ATP13A5: variants seen among roughly 807,000 people sequenced by gnomAD.
The protein encoded by ATP13A5 is probable cation-transporting ATPase 13A5.
ATP13A5 carries 149 observed loss-of-function variants against 150.2 expected under a neutral mutation model. That is an observed-to-expected ratio of 0.99 (90% CI 0.87 to 1.14). ATP13A5 has a LOEUF of 1.14. ATP13A5 is among the 50% of genes most tolerant of loss of function. The pLI, the probability that ATP13A5 is intolerant of heterozygous loss-of-function variation, is 0.00. For synonymous variants in ATP13A5, 497 were observed against 522.2 expected (o/e 0.95, Z 0.66); for missense variants, 1,383 against 1,449.3 (o/e 0.95, Z 0.74).
intron 18 of ATP13A5, chr3:193,314,512 C>G (rs1029453114): frequency 3.1e-6 from 1 of 326,684 alleles, no homozygotes; most frequent in African/African-American, 2.1e-5. Flanking sequence ...TGATCTCAGC[C>G]TGATAGCTTA....
At chr3:193,365,418 T>C (rs1713203658) in intron 1 of ATP13A5, among the ~76,000 whole-genome samples, 1 of 152,122 alleles carries the variant, frequency 6.6e-6, no homozygotes, top group South Asian at 2.1e-4. Context: ...GCCACTCTAT[T>C]TTGAGATTAT....
At chr3:193,358,903 C>T in intron 5 of ATP13A5, among the ~76,000 whole-genome samples, 1 of 152,148 alleles carries the variant, frequency 6.6e-6, no homozygotes, top group Admixed American at 6.5e-5. Flanking sequence ...CTTAGCTTTC[C>T]TGGTCCCTCT....
At chr3:193,356,887 C>A (rs1401983508) in intron 5 of ATP13A5, among the ~76,000 whole-genome samples, 2 of 152,054 alleles carry the variant, frequency 1.3e-5, no homozygotes, top group Non-Finnish European at 2.9e-5. Context: ...ACAGTCTAGG[C>A]TCACTTCAAC....
At chr3:193,304,762 A>G (rs1225392811) in intron 23 of ATP13A5, among the ~76,000 whole-genome samples, 1 of 152,234 alleles carries the variant, frequency 6.6e-6, no homozygotes, top group African/African-American at 2.4e-5. Flanking sequence ...CCATTTTCAC[A>G]CTGCCATAAA....
chr3:193,301,241 G>C lies in ATP13A5; in HGVS notation c.2745C>G (p.Ile915Met). The C allele has an allele frequency of 1.9e-6, 3 of 1,613,374 alleles. No individual in the cohort carries two copies. Among genetic ancestry groups the C allele is most frequent in the Middle Eastern group, 1.7e-4 (1 of 6,044 alleles). ...VFKYLTMYGI[I>M]QFISALLLYW... is the part of the protein sequence containing the mutation. ...AGAGCAGTAATGCACTGATAAACTG[G>C]ATTATGCCGTACATGGTCAAGTATT... is the stretch of plus-strand genomic sequence containing the variant. The change falls in exon 24 of 30, where the codon ATC (isoleucine) becomes ATG (methionine). Residue 915 changes from isoleucine (I) to methionine (M), a missense_variant. This residue lies in a region of ATP13A5 where 568 missense variants were observed against 621.5 expected (regional missense o/e 0.91). Transcript: ENST00000342358.
chr3:193,339,254 A>G (rs933213011), intron 9 of ATP13A5, among the ~76,000 whole-genome samples: 32 of 151,458 alleles, frequency 2.1e-4, no homozygotes, highest in Admixed American at 2.6e-4. Context: ...CTCTGATCTT[A>G]GTTATTTCTT....
intron 25 of ATP13A5, among the ~76,000 whole-genome samples, chr3:193,296,654 T>C (rs576484739): frequency 4.6e-5 from 7 of 152,248 alleles, no homozygotes; most frequent in Non-Finnish European, 8.8e-5. Context: ...CTTATGATTG[T>C]CTTGGCTATT....
In ATP13A5 at chr3:193,290,053, G is replaced by A. The variant is rs1395185671; in HGVS notation, c.2855C>T (p.Ser952Leu). ...AGCCAGCTTTGGGTAGGCATGAGTT[G>A]AACTCACTGAAAGACAAATACATTT... The part of the protein sequence containing the change: ...ITLMVCLTMS[S>L]THAYPKLAPY... Residue 952 changes from serine to leucine, a missense_variant, in exon 26 of 30, where the codon TCA becomes TTA. Physicochemically the swap from Ser to Leu is moderately radical, Grantham distance 145. Transcript: ENST00000342358. 9 of 1,598,086 alleles carry A rather than the reference G, an allele frequency of 5.6e-6. No individual in the cohort carries two copies. Among genetic ancestry groups the A allele is most frequent in the Non-Finnish European group, 6.0e-6 (7 of 1,175,014 alleles).
intron 21 of ATP13A5, among the ~76,000 whole-genome samples, chr3:193,307,669 C>A (rs1718671000): frequency 6.6e-6 from 1 of 152,140 alleles, no homozygotes; most frequent in Admixed American, 6.6e-5. Flanking sequence ...CGCACCAAGG[C>A]CAAGCTTAAG....
At chr3:193,325,809 C>T (rs528293555) in intron 13 of ATP13A5, among the ~76,000 whole-genome samples, 2 of 152,332 alleles carry the variant, frequency 1.3e-5, no homozygotes, top group South Asian at 2.1e-4. Flanking sequence ...TCCCACCTTA[C>T]AGCTGAATAG....
chr3:193,301,592 T>G (rs887461418), intron 23 of ATP13A5, among the ~76,000 whole-genome samples: 1 of 152,252 alleles, frequency 6.6e-6, no homozygotes, highest in Non-Finnish European at 1.5e-5. Flanking sequence ...CTCCTCATTT[T>G]CAACAAGCTT....
chr3:193,284,572 T>C (rs1717639269), intron 27 of ATP13A5, among the ~76,000 whole-genome samples: 3 of 152,220 alleles, frequency 2.0e-5, no homozygotes, highest in Admixed American at 2.0e-4. Flanking sequence ...TAAAGTAACT[T>C]GCCCAATGTT....
chr3:193,343,745 C>T (rs971474603), intron 9 of ATP13A5, among the ~76,000 whole-genome samples, 182 bp downstream of exon 9: 4 of 152,116 alleles, frequency 2.6e-5, no homozygotes, highest in Non-Finnish European at 4.4e-5. Context: ...TGACTTAATT[C>T]TTATATTGTT....
At chr3:193,277,811 A>C (rs1051027860) in intron 28 of ATP13A5, 2 of 152,120 alleles carry the variant, frequency 1.3e-5, no homozygotes, top group African/African-American at 4.8e-5. Flanking sequence ...CCTGGAAGTC[A>C]CTTGATTTTG....
At chr3:193,350,122 G>A (rs1209365114) in intron 7 of ATP13A5, among the ~76,000 whole-genome samples, 1 of 151,860 alleles carries the variant, frequency 6.6e-6, no homozygotes, top group African/African-American at 2.4e-5. Flanking sequence ...TATATATAAA[G>A]TGAAAAATGA....
intron 23 of ATP13A5, among the ~76,000 whole-genome samples, chr3:193,304,250 T>G (rs530418408): frequency 1.1e-4 from 16 of 152,152 alleles, no homozygotes; most frequent in Non-Finnish European, 2.4e-4. Flanking sequence ...TAGACTGTTC[T>G]TAGAAGCAAG....
chr3:193,355,631 A>G (rs1275697470), intron 5 of ATP13A5, among the ~76,000 whole-genome samples: 2 of 152,228 alleles, frequency 1.3e-5, no homozygotes, highest in Non-Finnish European at 2.9e-5. Flanking sequence ...ACTCCATGCC[A>G]TGAAAACACT....
At chr3:193,279,608 G>C (rs1214289309) in intron 27 of ATP13A5, among the ~76,000 whole-genome samples, 154 bp from the exon 28 acceptor site, 1 of 152,132 alleles carries the variant, frequency 6.6e-6, no homozygotes, top group Non-Finnish European at 1.5e-5. Flanking sequence ...ATGTTCTAAT[G>C]CTTATAAGAT....
intron 24 of ATP13A5, 33 bp downstream of exon 24, chr3:193,301,178 T>A: frequency 6.6e-7 from 1 of 1,504,132 alleles, no homozygotes; most frequent in Non-Finnish European, 9.2e-7. Flanking sequence ...ATAAATGCAA[T>A]TAGAACTGAG....
Sources: gnomAD v4.1 joint callset for allele counts (sites outside exome capture counted in the v4.1 genomes callset) on GRCh38, gnomAD v4.1.1 for gene constraint, gnomAD v4.1.1 regional missense constraint, MANE v1.5 for transcripts, NCBI Gene and HGNC (gene_info 2026-07-23, HGNC 2026-07-21) for gene names.